The following PKIA variants were observed in gnomAD, a reference collection of about 807,000 sequenced individuals.
PKIA encodes the protein PKI-alpha.
Under a neutral mutation model 7.6 loss-of-function variants are expected in PKIA, and 4 were observed. That is an observed-to-expected ratio of 0.52 (90% CI 0.26 to 1.20). The LOEUF is 1.20. PKIA is among the 50% of genes most tolerant of loss of function. The pLI, the probability that PKIA is intolerant of heterozygous loss-of-function variation, is 0.13. For synonymous variants in PKIA, 21 were observed against 30.7 expected (o/e 0.68, Z 1.04); for missense variants, 73 against 86.2 (o/e 0.85, Z 0.61).
intron 2 of PKIA, among the ~76,000 whole-genome samples, chr8:78,582,365 G>A (rs1016708206): frequency 7.9e-5 from 12 of 151,974 alleles, no homozygotes; most frequent in African/African-American, 2.9e-4. Context: ...CCTCTTCACA[G>A]GGTGGCAGGA....
chr8:78,584,162 A>AGTGT (rs150010304), intron 2 of PKIA, among the ~76,000 whole-genome samples: 4 of 151,060 alleles, frequency 2.6e-5, no homozygotes, highest in South Asian at 2.1e-4. Context: ...AGTACTGGGA[A>AGTGT]GTGTGTGTGT....
chr8:78,518,199 G>A (rs558583928), intron 1 of PKIA, among the ~76,000 whole-genome samples: 2 of 152,174 alleles, frequency 1.3e-5, no homozygotes, highest in Non-Finnish European at 2.9e-5. Flanking sequence ...GAGGGTGTAG[G>A]GGGTGGGCAA....
chr8:78,543,196 A>G (rs1192732594), intron 1 of PKIA, among the ~76,000 whole-genome samples: 1 of 152,158 alleles, frequency 6.6e-6, no homozygotes, highest in African/African-American at 2.4e-5. Flanking sequence ...AAATAATGCA[A>G]CCCAGAGAGC....
In PKIA at chr8:78,587,688, G is replaced by A. The variant is rs1421439124; in HGVS notation, c.-27-10670G>A. 3.9e-5 allele frequency among the ~76,000 whole-genome samples: 6 copies of A among 152,246 alleles called. No homozygotes were observed. In the South Asian group the frequency reaches 6.2e-4, roughly 16 times the overall value. ...AAACTTAAAAGAGGAAGCCATCAAC[G>A]AAGTGAAAATAGGTTAGATTACTCG... On this transcript the variant is annotated intron_variant, in intron 2 of 3. Transcript: ENST00000396418.
At chr8:78,550,568 G>C (rs1318064608) in intron 1 of PKIA, among the ~76,000 whole-genome samples, 1 of 152,036 alleles carries the variant, frequency 6.6e-6, no homozygotes, top group Non-Finnish European at 1.5e-5. Context: ...ATTCAGATCT[G>C]ATTGCCAATG....
intron 2 of PKIA, among the ~76,000 whole-genome samples, chr8:78,588,594 A>C (rs573767797): frequency 6.6e-6 from 1 of 152,348 alleles, no homozygotes; most frequent in South Asian, 2.1e-4. Flanking sequence ...TATTTGGTGA[A>C]TAATTATTTG....
chr8:78,528,657 C>CT (rs1806310234), intron 1 of PKIA, among the ~76,000 whole-genome samples: 2 of 134,768 alleles, frequency 1.5e-5, no homozygotes, highest in Non-Finnish European at 3.2e-5. Flanking sequence ...GACCCTGTCT[C>CT]TAAAAAAAAA....
At chr8:78,569,785 A>G (rs1444446502) in intron 1 of PKIA, among the ~76,000 whole-genome samples, 1 of 152,176 alleles carries the variant, frequency 6.6e-6, no homozygotes, top group Non-Finnish European at 1.5e-5. Flanking sequence ...AATAGAAAGT[A>G]TAAGCAACAA....
chr8:78,557,622 T>A (rs934010852), intron 1 of PKIA, among the ~76,000 whole-genome samples: 14 of 152,268 alleles, frequency 9.2e-5, no homozygotes, highest in African/African-American at 3.4e-4. Context: ...TAGGGGAGTT[T>A]ATTTATGTTC....
intron 2 of PKIA, among the ~76,000 whole-genome samples, chr8:78,580,928 A>G (rs1404841567): frequency 6.6e-6 from 1 of 152,100 alleles, no homozygotes; most frequent in African/African-American, 2.4e-5. Context: ...GTGTGACTAT[A>G]TAACTGTAGA....
At chr8:78,558,134 G>A (rs1434269723) in intron 1 of PKIA, among the ~76,000 whole-genome samples, 1 of 152,098 alleles carries the variant, frequency 6.6e-6, no homozygotes. Flanking sequence ...ATTAAATCAG[G>A]TAATGAATAC....
chr8:78,574,225 G>C (rs1807622946), intron 2 of PKIA, among the ~76,000 whole-genome samples: 1 of 151,856 alleles, frequency 6.6e-6, no homozygotes. Flanking sequence ...AGGGTAATTG[G>C]TATATCCATC....
chr8:78,524,248 T>A (rs1404397183), intron 1 of PKIA, among the ~76,000 whole-genome samples: 5 of 144,382 alleles, frequency 3.5e-5, no homozygotes, highest in South Asian at 4.2e-4. Flanking sequence ...ATATATGTTT[T>A]TATATATATG....
intron 1 of PKIA, among the ~76,000 whole-genome samples, chr8:78,549,397 G>GT (rs897569910): frequency 4.0e-4 from 61 of 151,738 alleles, no homozygotes; most frequent in African/African-American, 8.7e-4. Flanking sequence ...CAAGATGAAC[G>GT]TTTTTTTAAC....
intron 2 of PKIA, among the ~76,000 whole-genome samples, chr8:78,594,219 A>G (rs1030884154): frequency 2.6e-5 from 4 of 152,198 alleles, no homozygotes; most frequent in Admixed American, 2.6e-4. Flanking sequence ...TGAGGGCTAA[A>G]TCTACTTTAA....
chr8:78,565,710 T>C (rs1464637120), intron 1 of PKIA, among the ~76,000 whole-genome samples: 1 of 151,932 alleles, frequency 6.6e-6, no homozygotes, highest in Non-Finnish European at 1.5e-5. Context: ...TTTATGAGGA[T>C]TGCCAGTATA....
intron 3 of PKIA, 76 bp from the exon 4 acceptor site, chr8:78,601,666 T>G (rs571963405): frequency 6.6e-6 from 7 of 1,056,818 alleles, no homozygotes; most frequent in African/African-American, 1.6e-5. Context: ...GTTACCAATA[T>G]GACATATTGA....
chr8:78,579,521 G>A (rs1374146023), intron 2 of PKIA, among the ~76,000 whole-genome samples: 1 of 151,976 alleles, frequency 6.6e-6, no homozygotes, highest in African/African-American at 2.4e-5. Flanking sequence ...GAACCTGGAA[G>A]ACCTGTAAGA....
intron 2 of PKIA, among the ~76,000 whole-genome samples, chr8:78,590,622 T>G (rs913147657): frequency 1.3e-5 from 2 of 151,808 alleles, no homozygotes; most frequent in Non-Finnish European, 2.9e-5. Context: ...GTTGCAAATG[T>G]AAATCAATGC....
Sources: allele counts gnomAD v4.1 joint callset (sites outside exome capture counted in the v4.1 genomes callset), GRCh38; gene constraint gnomAD v4.1.1; transcripts MANE v1.5; gene names NCBI Gene and HGNC (gene_info 2026-07-23, HGNC 2026-07-21).